The following PSD3 variants were observed in gnomAD, a reference collection of about 807,000 sequenced individuals.
PSD3 encodes PH and SEC7 domain-containing protein 3.
PSD3 carries 49 observed loss-of-function variants against 105.5 expected under a neutral mutation model. The observed-to-expected ratio is 0.46, with a 90% confidence interval of 0.37 to 0.59. The LOEUF is 0.59. Ranked by LOEUF, PSD3 falls within the 20% of genes least tolerant of loss-of-function variation. The pLI is 0.00. For missense variants in PSD3, 1,561 were observed against 1,263.8 expected, an observed-to-expected ratio of 1.24 and a Z score of -3.57; for synonymous variants, 557 against 457.8, an observed-to-expected ratio of 1.22 and a Z score of -2.77.
At chr8:18,736,993 A>C (rs1311450351) in intron 9 of PSD3, among the ~76,000 whole-genome samples, 2 of 152,222 alleles carry the variant, frequency 1.3e-5, no homozygotes, top group Non-Finnish European at 2.9e-5. Context: ...GACATAAAAA[A>C]ATCTCAGAAT....
At chr8:18,931,357 C>T (rs1156618484) in intron 2 of PSD3, among the ~76,000 whole-genome samples, 1 of 151,934 alleles carries the variant, frequency 6.6e-6, no homozygotes, top group Admixed American at 6.6e-5. Flanking sequence ...TTTTAAAAAA[C>T]TGACATGAGA....
chr8:18,973,175 A>T (rs764595720), intron 1 of PSD3, among the ~76,000 whole-genome samples: 1 of 152,184 alleles, frequency 6.6e-6, no homozygotes, highest in African/African-American at 2.4e-5. Flanking sequence ...TCCCATTTTG[A>T]AAAGAACACT....
intron 2 of PSD3, among the ~76,000 whole-genome samples, chr8:18,882,343 A>G (rs565504306): frequency 6.6e-6 from 1 of 152,298 alleles, no homozygotes; most frequent in South Asian, 2.1e-4. Context: ...CTTGAAAAGG[A>G]TTCAGGAAAC....
At chr8:19,079,940 A>G (rs1480982121) in intron 1 of PSD3, among the ~76,000 whole-genome samples, 1 of 140,594 alleles carries the variant, frequency 7.1e-6, no homozygotes, top group Non-Finnish European at 1.5e-5. Context: ...TCCAGGTTGG[A>G]GTGCAGTGGT....
chr8:18,602,846 G>C (rs1013593407), intron 11 of PSD3, among the ~76,000 whole-genome samples: 2 of 152,162 alleles, frequency 1.3e-5, no homozygotes, highest in Non-Finnish European at 2.9e-5. Context: ...AACACAATGA[G>C]CTGGATGCTA....
chr8:18,937,646 C>G (rs113327171), intron 1 of PSD3, among the ~76,000 whole-genome samples: 4,077 of 152,192 alleles, frequency 0.027, 85 homozygotes, highest in Non-Finnish European at 0.041. Context: ...ATGTATCGGT[C>G]TGAAAAAAGG....
At chr8:18,949,634 A>G (rs2129469968) in intron 1 of PSD3, among the ~76,000 whole-genome samples, 2 of 152,240 alleles carry the variant, frequency 1.3e-5, no homozygotes, top group East Asian at 3.9e-4. Flanking sequence ...GGTTCTGTGT[A>G]TAGGACATAA....
intron 12 of PSD3, among the ~76,000 whole-genome samples, chr8:18,591,233 G>A (rs1032357307): frequency 2.0e-5 from 3 of 152,154 alleles, no homozygotes; most frequent in African/African-American, 4.8e-5. Context: ...CACCAGAAGA[G>A]AATGCCCTGG....
At chr8:18,600,321 A>G (rs142975167) in intron 12 of PSD3, 43 bp downstream of exon 12, 148 of 1,516,874 alleles carry the variant, frequency 9.8e-5, no homozygotes, top group African/African-American at 7.5e-4. Context: ...TCATGTAATT[A>G]TTTCATCGAG....
intron 4 of PSD3, among the ~76,000 whole-genome samples, chr8:18,821,516 C>T (rs1812700777): frequency 6.6e-6 from 1 of 152,000 alleles, no homozygotes; most frequent in South Asian, 2.1e-4. Flanking sequence ...ATAATCAAGG[C>T]CTAACAAAAT....
At chr8:18,835,427 G>GT (rs1814023752) in intron 4 of PSD3, among the ~76,000 whole-genome samples, 1 of 152,084 alleles carries the variant, frequency 6.6e-6, no homozygotes, top group South Asian at 2.1e-4. Flanking sequence ...CTTCCAACTA[G>GT]TATTTATTGA....
intron 8 of PSD3, among the ~76,000 whole-genome samples, chr8:18,783,305 G>C (rs890802639): frequency 6.6e-6 from 1 of 152,116 alleles, no homozygotes; most frequent in Non-Finnish European, 1.5e-5. Context: ...AAGGCCAATA[G>C]TAATGCCCTC....
chr8:18,578,543 T>C (rs920199017), intron 12 of PSD3, among the ~76,000 whole-genome samples: 4 of 152,084 alleles, frequency 2.6e-5, no homozygotes, highest in African/African-American at 9.7e-5. Flanking sequence ...ACTCCAGATA[T>C]ATATCACAAT....
At chr8:18,692,440 T>C (rs1363595710) in intron 9 of PSD3, among the ~76,000 whole-genome samples, 1 of 151,938 alleles carries the variant, frequency 6.6e-6, no homozygotes, top group Non-Finnish European at 1.5e-5. Flanking sequence ...CTTTAGAAAA[T>C]GAGGCAGGAT....
chr8:18,603,264 C>A (rs1283389392), intron 11 of PSD3, among the ~76,000 whole-genome samples: 3 of 152,126 alleles, frequency 2.0e-5, no homozygotes, highest in East Asian at 3.9e-4. Context: ...AACAATCTGC[C>A]TCTAACCTTA....
chr8:18,942,415 A>C (rs1822604297), intron 1 of PSD3, among the ~76,000 whole-genome samples: 1 of 152,218 alleles, frequency 6.6e-6, no homozygotes, highest in Non-Finnish European at 1.5e-5. Flanking sequence ...ACTTAAGTGC[A>C]GACAGGGACA....
rs577626339 is a variant in PSD3, at chr8:18,808,804, G to A, written c.1635-3906C>T. 7 of 1,613,716 alleles carry A rather than the reference G, an allele frequency of 4.3e-6. No individual in the cohort carries two copies. The Admixed American group carries it at 5.0e-5, about 12-fold the overall frequency. ...GAGCCCATCGCAACCCCTGGGGTGC[G>A]CCTGGACCATCCTTCCTCTCCGAAG... is the stretch of plus-strand genomic sequence containing the variant. On this transcript the variant is annotated intron_variant, in intron 4 of 15. Transcript: ENST00000327040.
chr8:18,703,507 T>A (rs772306040), intron 9 of PSD3, among the ~76,000 whole-genome samples: 1 of 152,178 alleles, frequency 6.6e-6, no homozygotes, highest in Non-Finnish European at 1.5e-5. Flanking sequence ...ACCAAACTCA[T>A]AAGCACACAA....
At chr8:18,588,475 A>T (rs917254263) in intron 12 of PSD3, among the ~76,000 whole-genome samples, 1 of 152,220 alleles carries the variant, frequency 6.6e-6, no homozygotes, top group Admixed American at 6.5e-5. Context: ...GCTTATTCTC[A>T]TTGTAAGTAG....
Sources: allele counts gnomAD v4.1 joint callset (sites outside exome capture counted in the v4.1 genomes callset), GRCh38; gene constraint gnomAD v4.1.1; transcripts MANE v1.5; gene names NCBI Gene and HGNC (gene_info 2026-07-23, HGNC 2026-07-21).